Variants in KCNT2 observed in about 807,000 individuals in gnomAD.
KCNT2 encodes potassium channel subfamily T member 2.
A neutral mutation model predicts 153.8 loss-of-function variants in KCNT2; 67 were observed. That is an observed-to-expected ratio of 0.44 (90% confidence interval 0.36 to 0.53). KCNT2 has a LOEUF of 0.53. Among genes scored for constraint, KCNT2 ranks in the 20% least tolerant of loss-of-function variants. The pLI is 0.00. For missense variants in KCNT2, 975 were observed against 1,354.8 expected, an observed-to-expected ratio of 0.72 and a Z score of 4.40; for synonymous variants, 500 against 458.8, an observed-to-expected ratio of 1.09 and a Z score of -1.15.
intron 1 of KCNT2, among the ~76,000 whole-genome samples, chr1:196,585,086 G>C (rs755535993): frequency 6.6e-6 from 1 of 151,998 alleles, no homozygotes; most frequent in Admixed American, 6.6e-5. Context: ...AGTACAATAC[G>C]ATGTAGAAGA....
At chr1:196,322,084 G>C (rs1663377560) in intron 19 of KCNT2, among the ~76,000 whole-genome samples, 1 of 151,830 alleles carries the variant, frequency 6.6e-6, no homozygotes, top group African/African-American at 2.4e-5. Flanking sequence ...TGTCCCCAAA[G>C]TACTGATGAA....
intron 1 of KCNT2, among the ~76,000 whole-genome samples, chr1:196,577,403 T>C (rs913707483): frequency 6.6e-6 from 1 of 152,128 alleles, no homozygotes; most frequent in Non-Finnish European, 1.5e-5. Flanking sequence ...AGATGAAGCC[T>C]GACAGACTGA....
At chr1:196,498,925 T>A (rs1680461044) in intron 1 of KCNT2, among the ~76,000 whole-genome samples, 1 of 152,214 alleles carries the variant, frequency 6.6e-6, no homozygotes, top group Non-Finnish European at 1.5e-5. Context: ...TCTCATGACC[T>A]CAGAATTCAA....
intron 10 of KCNT2, 150 bp downstream of exon 10, chr1:196,427,955 G>T: frequency 3.7e-6 from 2 of 533,742 alleles, no homozygotes; most frequent in South Asian, 3.5e-5. Context: ...TATGTTCCTG[G>T]TTATATTTGT....
chr1:196,503,886 C>T (rs1288325864), intron 1 of KCNT2, among the ~76,000 whole-genome samples: 1 of 152,108 alleles, frequency 6.6e-6, no homozygotes, highest in Non-Finnish European at 1.5e-5. Flanking sequence ...CAGTAATGGG[C>T]ACAGCTCACT....
intron 25 of KCNT2, chr1:196,273,593 T>A (rs1658277422): frequency 2.7e-6 from 2 of 736,982 alleles, no homozygotes; most frequent in South Asian, 1.8e-5. Flanking sequence ...ATGTAACATA[T>A]ACCCACATAA....
At chr1:196,232,381 C>A (rs1280399812) in intron 27 of KCNT2, among the ~76,000 whole-genome samples, 1 of 151,652 alleles carries the variant, frequency 6.6e-6, no homozygotes, top group Non-Finnish European at 1.5e-5. Flanking sequence ...TCTCTGCATT[C>A]ATTGATGCAG....
In KCNT2 at chr1:196,563,003, T is replaced by A. The variant is rs185452031; in HGVS notation, c.95+45212A>T. 3.3e-3 allele frequency among the ~76,000 whole-genome samples: 508 copies of A among 152,068 alleles called. 7 individuals are homozygous for A. In the Middle Eastern group the frequency reaches 0.037, roughly 11 times the overall value. On this transcript the variant is annotated intron_variant, in intron 1 of 27. Transcript: ENST00000294725. ...TAAATACTTTATTATTTAGAGGCTG[T>A]CCCAAAATTTGAGGTTTCTAACATC...
intron 3 of KCNT2, among the ~76,000 whole-genome samples, chr1:196,485,433 G>T (rs563526021): frequency 6.6e-6 from 1 of 152,146 alleles, no homozygotes; most frequent in South Asian, 2.1e-4. Flanking sequence ...TTTCTAATGT[G>T]TATATCTGAA....
rs537749281 is a variant in KCNT2 at position 196,356,495 on chromosome 1, T to C, written c.1404-14267A>G. Among the ~76,000 whole-genome samples the C allele has an allele frequency of 7.2e-5, 11 of 151,918 alleles. No individual in the cohort carries two copies. The South Asian group carries it at 1.7e-3, about 23-fold the overall frequency. On this transcript the variant is annotated intron_variant, in intron 14 of 27. Coordinates refer to ENST00000294725, the MANE Select transcript of KCNT2 (RefSeq NM_198503.5). ...TAATTAAATGCTATTTTCTCATTCA[T>C]AGCTTAAATTTTGATCAAAAAAAAT...
chr1:196,390,755 G>A (rs1404787733), intron 13 of KCNT2, among the ~76,000 whole-genome samples: 1 of 151,232 alleles, frequency 6.6e-6, no homozygotes, highest in Non-Finnish European at 1.5e-5. Flanking sequence ...GCATACACAT[G>A]TATTTGTGTA....
chr1:196,370,469 C>A (rs915994710), intron 14 of KCNT2, among the ~76,000 whole-genome samples: 2 of 151,754 alleles, frequency 1.3e-5, no homozygotes, highest in African/African-American at 4.8e-5. Context: ...TTTTAATCAG[C>A]CTTGGGAATT....
intron 14 of KCNT2, among the ~76,000 whole-genome samples, chr1:196,369,260 G>T (rs1018888766): frequency 2.0e-5 from 3 of 152,034 alleles, no homozygotes; most frequent in African/African-American, 7.2e-5. Flanking sequence ...TTTCCTTGTG[G>T]AAATCATTAT....
intron 3 of KCNT2, among the ~76,000 whole-genome samples, chr1:196,488,213 T>C (rs1266883826): frequency 3.3e-5 from 5 of 151,978 alleles, no homozygotes; most frequent in Non-Finnish European, 7.4e-5. Flanking sequence ...AGACTTATCA[T>C]GTCAGAAGCT....
At chr1:196,563,707 C>T (rs1266888112) in intron 1 of KCNT2, among the ~76,000 whole-genome samples, 1 of 151,796 alleles carries the variant, frequency 6.6e-6, no homozygotes, top group Non-Finnish European at 1.5e-5. Flanking sequence ...AACAATTATT[C>T]AACATATGCA....
At chr1:196,561,368 A>G (rs1379331861) in intron 1 of KCNT2, among the ~76,000 whole-genome samples, 1 of 151,654 alleles carries the variant, frequency 6.6e-6, no homozygotes, top group African/African-American at 2.4e-5. Context: ...TTCAGGTGAG[A>G]AATGGTAGGA....
intron 1 of KCNT2, among the ~76,000 whole-genome samples, chr1:196,518,135 C>T (rs531273268): frequency 1.3e-5 from 2 of 152,224 alleles, no homozygotes; most frequent in African/African-American, 4.8e-5. Context: ...AATAAAAAAT[C>T]TTCAATCAAG....
chr1:196,589,802 TA>T (rs533617770), intron 1 of KCNT2, among the ~76,000 whole-genome samples: 1 of 128,122 alleles, frequency 7.8e-6, no homozygotes, highest in East Asian at 2.5e-4. Context: ...CCCATTTCAT[TA>T]AAAGAGTTTT....
chr1:196,588,732 T>C (rs905099301), intron 1 of KCNT2, among the ~76,000 whole-genome samples: 10 of 151,968 alleles, frequency 6.6e-5, no homozygotes, highest in Admixed American at 5.9e-4. Flanking sequence ...AGAAGTTGTA[T>C]AGTTATGGGC....
Sources: allele counts gnomAD v4.1 joint callset (sites outside exome capture counted in the v4.1 genomes callset), GRCh38; gene constraint gnomAD v4.1.1; transcripts MANE v1.5; gene names NCBI Gene and HGNC (gene_info 2026-07-23, HGNC 2026-07-21).